The following CCDC192 variants were observed in gnomAD, a reference collection of about 807,000 sequenced individuals.
CCDC192 encodes coiled-coil domain-containing protein 192.
intron 3 of CCDC192, among the ~76,000 whole-genome samples, chr5:127,792,179 T>C (rs1030588673): frequency 2.6e-5 from 4 of 152,140 alleles, no homozygotes; most frequent in Non-Finnish European, 5.9e-5. Flanking sequence ...AATAAAGACA[T>C]ACCTGAGACT....
chr5:127,900,732 G>A (rs546939803), intron 6 of CCDC192, among the ~76,000 whole-genome samples: 1 of 152,294 alleles, frequency 6.6e-6, no homozygotes, highest in African/African-American at 2.4e-5. Flanking sequence ...ATGACCTCAT[G>A]GATAGAGTGG....
intron 6 of CCDC192, among the ~76,000 whole-genome samples, chr5:127,905,688 C>CT (rs1753174866): frequency 6.6e-6 from 1 of 152,014 alleles, no homozygotes; most frequent in Admixed American, 6.6e-5. Flanking sequence ...GCCTATGTTT[C>CT]TTTTCTAAGA....
chr5:127,798,303 G>T (rs141746299), intron 5 of CCDC192, 141 bp downstream of exon 5: 3 of 388,548 alleles, frequency 7.7e-6, no homozygotes, highest in Admixed American at 4.5e-5. Flanking sequence ...TTTTTACTGC[G>T]TCTACACAGT....
rs60177261 is a variant in CCDC192, at chr5:127,757,767, T to TACAC, written c.222+3421_222+3424dup. Among the ~76,000 whole-genome samples the TACAC allele has an allele frequency of 5.5e-3, 719 of 129,658 alleles. 2 individuals carry two copies. Among genetic ancestry groups the TACAC allele is most frequent in the African/African-American group, 0.011 (374 of 34,142 alleles). 85.1% of individuals were successfully genotyped at this position (129,658 alleles called of 152,430 possible). A position where few individuals can be genotyped will look rare whatever the true frequency, so the allele number is the denominator to read the frequency against. On this transcript the variant is annotated intron_variant, in intron 3 of 6. Coordinates refer to ENST00000514853, the MANE Select transcript of CCDC192 (RefSeq NM_001317938.2). ...TGTCTTTAGTGTTAAAGACAAGGAT[T>TACAC]ACACACACACACACACACACACACA... is the stretch of plus-strand genomic sequence containing the variant.
intron 1 of CCDC192, among the ~76,000 whole-genome samples, chr5:127,707,017 A>T (rs1482324756): frequency 6.6e-6 from 1 of 152,198 alleles, no homozygotes; most frequent in Non-Finnish European, 1.5e-5. Flanking sequence ...AAAGCTGTTA[A>T]GGTGAGTTGT....
At chr5:127,757,829 GTA>G (rs1294362502) in intron 3 of CCDC192, among the ~76,000 whole-genome samples, 5 of 147,702 alleles carry the variant, frequency 3.4e-5, no homozygotes, top group Non-Finnish European at 7.4e-5. Flanking sequence ...CAATCTGTGT[GTA>G]TGTGTGTGTG....
chr5:127,787,042 C>T (rs564975699), intron 3 of CCDC192: 5 of 317,084 alleles, frequency 1.6e-5, no homozygotes, highest in African/African-American at 4.4e-5. Context: ...TTTATGACAT[C>T]GTGAGGGATG....
At chr5:127,879,988 T>C (rs1752281110) in intron 6 of CCDC192, among the ~76,000 whole-genome samples, 1 of 152,066 alleles carries the variant, frequency 6.6e-6, no homozygotes, top group African/African-American at 2.4e-5. Flanking sequence ...ACACTGTTGG[T>C]GGGACTGTAA....
Position 127,774,312 on chromosome 5 carries a change from A to G in CCDC192, c.222+19937A>G, listed in dbSNP as rs187865461. Among the ~76,000 whole-genome samples, 125 of 152,334 alleles carry G rather than the reference A, an allele frequency of 8.2e-4. 4 individuals carry two copies. Among genetic ancestry groups the G allele is most frequent in the Admixed American group, 9.2e-4 (14 of 15,294 alleles). On this transcript the variant is annotated intron_variant, in intron 3 of 6. Coordinates refer to ENST00000514853, the MANE Select transcript of CCDC192 (RefSeq NM_001317938.2). Reference sequence around the variant, plus strand: ...CATTTTTTGTGTGTTTTTGCTGTCAAAGAACCCATTGCTTAATTCAAGATC... The same window carrying G: ...CATTTTTTGTGTGTTTTTGCTGTCAGAGAACCCATTGCTTAATTCAAGATC...
chr5:127,728,230 G>A (rs1334308846), intron 2 of CCDC192, among the ~76,000 whole-genome samples: 2 of 152,058 alleles, frequency 1.3e-5, no homozygotes, highest in African/African-American at 4.8e-5. Flanking sequence ...TCAACCCCAA[G>A]ACACATAATC....
intron 5 of CCDC192, among the ~76,000 whole-genome samples, chr5:127,859,203 G>A (rs1751250162): frequency 6.6e-6 from 1 of 152,128 alleles, no homozygotes; most frequent in South Asian, 2.1e-4. Flanking sequence ...AATAAGCTAT[G>A]ATTTATAGCT....
intron 6 of CCDC192, among the ~76,000 whole-genome samples, chr5:127,892,595 T>C (rs1752763079): frequency 6.6e-6 from 1 of 152,198 alleles, no homozygotes; most frequent in African/African-American, 2.4e-5. Context: ...TTAAATTTTA[T>C]CTTTGTGAGC....
chr5:127,880,773 A>G (rs1195348450), intron 6 of CCDC192, among the ~76,000 whole-genome samples: 1 of 152,066 alleles, frequency 6.6e-6, no homozygotes, highest in Non-Finnish European at 1.5e-5. Context: ...TGAGATCAGG[A>G]GTTCGAGACC....
chr5:127,932,884 A>C lies in CCDC192; in HGVS notation c.536-8298A>C, dbSNP rs534532732. 1.5e-3 allele frequency among the ~76,000 whole-genome samples: 229 copies of C among 152,276 alleles called. 1 individual carries two copies. Among genetic ancestry groups the C allele is most frequent in the African/African-American group, 5.4e-3 (226 of 41,554 alleles). On this transcript the variant is annotated intron_variant, in intron 6 of 6. Transcript: ENST00000514853. The stretch of plus-strand genomic sequence containing the variant: ...AACAAGGCAGAAAACATGGATGTGA[A>C]GTGTTCAGCAATGGGGCTTGGGTTG...
intron 6 of CCDC192, among the ~76,000 whole-genome samples, chr5:127,908,928 A>G (rs1440709816): frequency 6.6e-6 from 1 of 152,196 alleles, no homozygotes; most frequent in East Asian, 1.9e-4. Context: ...GTTGAGTTGC[A>G]CAAAATTTTT....
chr5:127,915,352 T>G (rs1218881439), intron 6 of CCDC192, among the ~76,000 whole-genome samples: 2 of 152,206 alleles, frequency 1.3e-5, no homozygotes, highest in Non-Finnish European at 2.9e-5. Flanking sequence ...CCCAGGACAG[T>G]TCTGAATGCA....
At chr5:127,921,627 A>G (rs1489573843) in intron 6 of CCDC192, among the ~76,000 whole-genome samples, 2 of 152,226 alleles carry the variant, frequency 1.3e-5, no homozygotes, top group African/African-American at 2.4e-5. Context: ...TCTTTCATTA[A>G]TTATATGGAT....
At chr5:127,718,998 A>C (rs1345227578) in intron 2 of CCDC192, among the ~76,000 whole-genome samples, 2 of 151,912 alleles carry the variant, frequency 1.3e-5, no homozygotes, top group Non-Finnish European at 2.9e-5. Context: ...GATCTTATTC[A>C]TTTTCTCTAA....
At chr5:127,914,933 C>A (rs1198253115) in intron 6 of CCDC192, among the ~76,000 whole-genome samples, 2 of 152,096 alleles carry the variant, frequency 1.3e-5, no homozygotes, top group Admixed American at 1.3e-4. Flanking sequence ...CCTTCCCTGA[C>A]TATTAATATC....
Sources: allele counts gnomAD v4.1 joint callset (sites outside exome capture counted in the v4.1 genomes callset), GRCh38; gene constraint gnomAD v4.1.1; transcripts MANE v1.5; gene names NCBI Gene and HGNC (gene_info 2026-07-23, HGNC 2026-07-21).